ARHGAP15: variants seen among roughly 807,000 people sequenced by gnomAD.
ARHGAP15 encodes the protein Rho GTPase activating protein 15, also known as rho GTPase-activating protein 15.
Under a neutral mutation model 63.7 loss-of-function variants are expected in ARHGAP15, and 51 were observed. The ratio of observed to expected loss-of-function variants is 0.80; its 90% CI spans 0.64 to 1.01. The LOEUF (loss-of-function observed/expected upper bound fraction) is 1.01. ARHGAP15 is among the 50% of genes least tolerant of loss of function. ARHGAP15 has a pLI of 0.00. For synonymous variants in ARHGAP15, 191 were observed against 193.8 expected (o/e 0.99, Z 0.12); for missense variants, 560 against 564.6 (o/e 0.99, Z 0.08).
At chr2:143,434,752 T>C (rs1230366314) in intron 6 of ARHGAP15, among the ~76,000 whole-genome samples, 2 of 152,118 alleles carry the variant, frequency 1.3e-5, no homozygotes, top group Non-Finnish European at 2.9e-5. Context: ...GATGGCCAAA[T>C]ACAAAAAGCA....
rs550560494 is a variant in ARHGAP15 at position 143,185,516 on chromosome 2, C to G, written c.166-16618C>G. Among the ~76,000 whole-genome samples, 105 of 152,260 alleles carry G rather than the reference C, an allele frequency of 6.9e-4. 1 individual carries two copies. Among genetic ancestry groups the G allele is most frequent in the African/African-American group, 2.5e-3 (105 of 41,550 alleles). On this transcript the variant is annotated intron_variant, in intron 2 of 13. Transcript: ENST00000295095. The stretch of plus-strand genomic sequence containing the variant: ...TCTGCAATATCCCCTAGGAGTGCTA[C>G]CCCAATCCTATAATTACTGCAATAT...
intron 11 of ARHGAP15, among the ~76,000 whole-genome samples, chr2:143,572,961 T>C (rs1435373507): frequency 6.6e-6 from 1 of 152,164 alleles, no homozygotes; most frequent in Non-Finnish European, 1.5e-5. Flanking sequence ...AAATGGAAAT[T>C]CATAAATTAA....
chr2:143,320,454 G>A (rs958552421), intron 6 of ARHGAP15, among the ~76,000 whole-genome samples: 2 of 115,462 alleles, frequency 1.7e-5, no homozygotes, highest in Non-Finnish European at 3.3e-5. Context: ...TATTTGCACA[G>A]CATTCACCCA....
chr2:143,734,296 C>T (rs946498692), intron 13 of ARHGAP15, among the ~76,000 whole-genome samples: 5 of 152,152 alleles, frequency 3.3e-5, no homozygotes, highest in Non-Finnish European at 5.9e-5. Flanking sequence ...TGAGATGGAG[C>T]CTAAGGGGGA....
At chr2:143,491,157 A>G (rs1168139516) in intron 9 of ARHGAP15, among the ~76,000 whole-genome samples, 1 of 152,200 alleles carries the variant, frequency 6.6e-6, no homozygotes, top group Non-Finnish European at 1.5e-5. Context: ...GAGTTTATTA[A>G]CATTGAGCAT....
At chr2:143,316,303 G>A (rs1217783578) in intron 6 of ARHGAP15, among the ~76,000 whole-genome samples, 1 of 151,652 alleles carries the variant, frequency 6.6e-6, no homozygotes, top group Non-Finnish European at 1.5e-5. Context: ...TGTTAGAAAT[G>A]CAGAATTTCA....
At chr2:143,554,204 G>A (rs1201483153) in intron 10 of ARHGAP15, among the ~76,000 whole-genome samples, 1 of 151,966 alleles carries the variant, frequency 6.6e-6, no homozygotes, top group African/African-American at 2.4e-5. Context: ...TTCCATTGAT[G>A]TTTCTATTTT....
At chr2:143,310,870 A>AT (rs1173089002) in intron 6 of ARHGAP15, among the ~76,000 whole-genome samples, 3 of 152,028 alleles carry the variant, frequency 2.0e-5, no homozygotes, top group African/African-American at 7.2e-5. Flanking sequence ...AGGATATAGA[A>AT]TTTTGGAACT....
intron 6 of ARHGAP15, among the ~76,000 whole-genome samples, chr2:143,262,548 T>TTTTTTTTTTTTTTTTTTTTTTTG (rs1680777905): frequency 6.7e-6 from 1 of 148,480 alleles, no homozygotes; most frequent in African/African-American, 2.5e-5. Context: ...TTTTTTTTTT[T>TTTTTTTTTTTTTTTTTTTTTTTG]TTTTTTTTTT....
At chr2:143,538,849 GT>G (rs999586486) in intron 10 of ARHGAP15, among the ~76,000 whole-genome samples, 34 of 151,986 alleles carry the variant, frequency 2.2e-4, no homozygotes, top group African/African-American at 8.2e-4. Flanking sequence ...CTCTTTTTTT[GT>G]TGTGTCTCTG....
At chr2:143,147,455 C>G (rs1296200389) in intron 1 of ARHGAP15, among the ~76,000 whole-genome samples, 2 of 152,008 alleles carry the variant, frequency 1.3e-5, no homozygotes, top group Admixed American at 6.6e-5. Flanking sequence ...CCTTATGGCT[C>G]TCATCTGTAT....
intron 6 of ARHGAP15, among the ~76,000 whole-genome samples, chr2:143,370,377 C>G (rs7601883): frequency 1.3e-5 from 2 of 151,704 alleles, no homozygotes; most frequent in South Asian, 4.2e-4. Flanking sequence ...AGGGATAGCA[C>G]TGGGAGATAT....
At chr2:143,312,342 CATTT>C (rs1372960169) in intron 6 of ARHGAP15, among the ~76,000 whole-genome samples, 1 of 152,084 alleles carries the variant, frequency 6.6e-6, no homozygotes, top group African/African-American at 2.4e-5. Context: ...AATTAGTCCT[CATTT>C]ATAATCAAAC....
intron 10 of ARHGAP15, among the ~76,000 whole-genome samples, chr2:143,524,788 A>G (rs1241573339): frequency 6.6e-6 from 1 of 152,236 alleles, no homozygotes; most frequent in Admixed American, 6.5e-5. Flanking sequence ...CAAAAATGTA[A>G]AACTTGGCAT....
At chr2:143,750,411 G>A (rs927952886) in intron 13 of ARHGAP15, among the ~76,000 whole-genome samples, 3 of 152,240 alleles carry the variant, frequency 2.0e-5, no homozygotes, top group East Asian at 1.9e-4. Flanking sequence ...ATTGCACTCC[G>A]GCACAGGCAG....
At chr2:143,146,756 A>G (rs749692829) in intron 1 of ARHGAP15, among the ~76,000 whole-genome samples, 4 of 152,130 alleles carry the variant, frequency 2.6e-5, no homozygotes, top group Non-Finnish European at 4.4e-5. Flanking sequence ...CTTCACAACA[A>G]TAGACTATGA....
intron 5 of ARHGAP15, chr2:143,237,947 A>G (rs150428398): frequency 5.1e-4 from 78 of 152,222 alleles, no homozygotes; most frequent in African/African-American, 1.7e-3. Context: ...TTTACTTTTT[A>G]AAAATTATAT....
At chr2:143,601,798 C>G (rs1400906) in intron 11 of ARHGAP15, among the ~76,000 whole-genome samples, 70,104 of 151,968 alleles carry the variant, frequency 0.46, 16,828 homozygotes, top group African/African-American at 0.59. Flanking sequence ...TCAATTGTTC[C>G]TGACTTTCTT....
chr2:143,673,752 G>GTATATATATATATATA (rs1158257230), intron 12 of ARHGAP15, among the ~76,000 whole-genome samples: 6 of 32,934 alleles, frequency 1.8e-4, no homozygotes, highest in South Asian at 1.9e-3. Context: ...GTGTGTGTGT[G>GTATATATATATATATA]TGTGTGTATA....
Sources: gnomAD v4.1 joint callset for allele counts (sites outside exome capture counted in the v4.1 genomes callset) on GRCh38, gnomAD v4.1.1 for gene constraint, MANE v1.5 for transcripts, NCBI Gene and HGNC (gene_info 2026-07-23, HGNC 2026-07-21) for gene names.